The following TRPM3 variants were observed in gnomAD, a reference collection of about 807,000 sequenced individuals.
TRPM3 encodes the protein long transient receptor potential channel 3.
TRPM3 carries 77 observed loss-of-function variants against 181.2 expected under a neutral mutation model. The observed-to-expected ratio is 0.42, with a 90% CI of 0.35 to 0.51. The LOEUF (loss-of-function observed/expected upper bound fraction) is 0.51, where lower values mean the gene tolerates loss of function less well. Ranked by LOEUF, TRPM3 falls within the 20% of genes least tolerant of loss-of-function variation. TRPM3 has a pLI of 0.01. For synonymous variants in TRPM3, 745 were observed against 796.4 expected, an observed-to-expected ratio of 0.94 and a Z score of 1.09; for missense variants, 1,759 against 2,196.7, an observed-to-expected ratio of 0.80 and a Z score of 3.98.
intron 1 of TRPM3, among the ~76,000 whole-genome samples, chr9:71,392,485 A>G (rs1437137847): frequency 6.6e-6 from 1 of 152,108 alleles, no homozygotes. Context: ...TTGTTGGGGT[A>G]TTTTTTGCCT....
At chr9:71,204,964 C>CA (rs1565339528) in intron 1 of TRPM3, among the ~76,000 whole-genome samples, 1 of 151,550 alleles carries the variant, frequency 6.6e-6, no homozygotes, top group African/African-American at 2.4e-5. Context: ...ATCGCAAGGA[C>CA]AAAAAACCAA....
intron 9 of TRPM3, among the ~76,000 whole-genome samples, chr9:70,648,792 T>A (rs180835030): frequency 6.6e-6 from 1 of 152,176 alleles, no homozygotes; most frequent in Non-Finnish European, 1.5e-5. Context: ...GTTAGCCACA[T>A]GCAAAAGATT....
intron 1 of TRPM3, among the ~76,000 whole-genome samples, chr9:71,410,850 TC>T (rs1266903147): frequency 6.6e-6 from 1 of 152,004 alleles, no homozygotes; most frequent in Non-Finnish European, 1.5e-5. Context: ...GACGCAAAAA[TC>T]CTCAAAATAC....
In TRPM3 at chr9:71,343,159, A is replaced by AT. The variant is rs951676842; in HGVS notation, c.183+103493dup. Among the ~76,000 whole-genome samples the AT allele has an allele frequency of 3.3e-5, 5 of 151,622 alleles. No individual in the cohort carries two copies. In the South Asian group the frequency reaches 6.2e-4, roughly 19 times the overall value. ...AATGGACCCATACTTCCTTTAGTAT[A>AT]TTTTTTAAGTATAATTTTGACCTTG... On this transcript the variant is annotated intron_variant, in intron 1 of 24. Coordinates refer to the TRPM3 transcript ENST00000357533.
intron 1 of TRPM3, among the ~76,000 whole-genome samples, chr9:71,337,196 G>A (rs542978978): frequency 5.3e-5 from 8 of 151,582 alleles, no homozygotes; most frequent in African/African-American, 1.4e-4. Flanking sequence ...ATCGACAAAG[G>A]GCTAATATCC....
chr9:70,789,143 T>C (rs2084703677), intron 6 of TRPM3, among the ~76,000 whole-genome samples: 1 of 152,192 alleles, frequency 6.6e-6, no homozygotes, highest in African/African-American at 2.4e-5. Context: ...TCTAGCAAGA[T>C]TCACAATCTT....
chr9:71,117,761 T>G (rs1444630867), intron 1 of TRPM3, among the ~76,000 whole-genome samples: 1 of 152,180 alleles, frequency 6.6e-6, no homozygotes, highest in Non-Finnish European at 1.5e-5. Flanking sequence ...TTGAAAGTCT[T>G]AAAAATGATA....
At chr9:71,340,814 C>A (rs2090910185) in intron 1 of TRPM3, among the ~76,000 whole-genome samples, 1 of 152,042 alleles carries the variant, frequency 6.6e-6, no homozygotes, top group Admixed American at 6.6e-5. Flanking sequence ...CTACCATTTT[C>A]CAGTAAAAGA....
At chr9:71,350,302 A>G (rs2132661187) in intron 1 of TRPM3, among the ~76,000 whole-genome samples, 1 of 152,334 alleles carries the variant, frequency 6.6e-6, no homozygotes, top group African/African-American at 2.4e-5. Context: ...AGGTCATTAC[A>G]TAGAAACTAG....
Position 70,848,976 on chromosome 9 carries a change from CAAAAAAAAAAAAAAA to C in TRPM3, c.463-2400_463-2386del, listed in dbSNP as rs749477799. On this transcript the variant is annotated intron_variant, in intron 3 of 25. Transcript: ENST00000677713. ...TGGGCGACAGAGCGAGACTCCGTCT[CAAAAAAAAAAAAAAA>C]AAAAAAAAAAGAAATTACCTGTCAG... Among the ~76,000 whole-genome samples, 2 of 11,976 alleles carry C rather than the reference CAAAAAAAAAAAAAAA, an allele frequency of 1.7e-4. 1 individual carries two copies. Among genetic ancestry groups the C allele is most frequent in the Non-Finnish European group, 3.2e-4 (2 of 6,346 alleles). 7.9% of individuals were successfully genotyped at this position (11,976 alleles called of 152,430 possible).
intron 1 of TRPM3, among the ~76,000 whole-genome samples, chr9:71,303,900 CA>C (rs900475869): frequency 1.2e-4 from 17 of 145,520 alleles, no homozygotes; most frequent in African/African-American, 2.5e-4. Flanking sequence ...ATTACAAAAA[CA>C]AAAAAAAAAG....
intron 1 of TRPM3, among the ~76,000 whole-genome samples, chr9:70,942,182 T>A (rs1443281424): frequency 6.6e-6 from 1 of 152,212 alleles, no homozygotes; most frequent in Non-Finnish European, 1.5e-5. Context: ...GAGACAATCT[T>A]CCTTCCTAAA....
intron 1 of TRPM3, among the ~76,000 whole-genome samples, chr9:71,376,805 A>G (rs7467178): frequency 0.43 from 65,339 of 151,878 alleles, 14,215 homozygotes; most frequent in South Asian, 0.53. Flanking sequence ...TCACAAATGC[A>G]CAGTGAAGCA....
chr9:71,395,077 T>C (rs1302087995), intron 1 of TRPM3, among the ~76,000 whole-genome samples: 1 of 152,218 alleles, frequency 6.6e-6, no homozygotes, highest in Non-Finnish European at 1.5e-5. Context: ...CAATACCTCA[T>C]GATGAGACAT....
At chr9:70,597,724 A>G (rs2059268390) in intron 21 of TRPM3, among the ~76,000 whole-genome samples, 1 of 152,180 alleles carries the variant, frequency 6.6e-6, no homozygotes, top group African/African-American at 2.4e-5. Flanking sequence ...CAAGAATTCG[A>G]TAAGAAGGAG....
At chr9:70,859,343 T>C (rs1160284570) in intron 3 of TRPM3, among the ~76,000 whole-genome samples, 1 of 143,586 alleles carries the variant, frequency 7.0e-6, no homozygotes, top group Non-Finnish European at 1.6e-5. Context: ...GGAAGATCTA[T>C]CTGCTTCTTC....
At chr9:70,644,901 C>A (rs2058597334) in intron 9 of TRPM3, among the ~76,000 whole-genome samples, 1 of 152,126 alleles carries the variant, frequency 6.6e-6, no homozygotes, top group African/African-American at 2.4e-5. Flanking sequence ...ACAAGTATTT[C>A]TATACCTCAA....
chr9:70,809,436 G>A (rs569681842), intron 6 of TRPM3, among the ~76,000 whole-genome samples: 21 of 152,222 alleles, frequency 1.4e-4, no homozygotes, highest in South Asian at 6.2e-4. Flanking sequence ...CCCTATTAAG[G>A]TGTACTATTT....
intron 1 of TRPM3, among the ~76,000 whole-genome samples, chr9:70,936,788 T>C (rs1419694850): frequency 6.6e-6 from 1 of 152,150 alleles, no homozygotes; most frequent in East Asian, 1.9e-4. Flanking sequence ...TAAAGTGAAA[T>C]AAGATCAAAT....
Sources: allele counts gnomAD v4.1 joint callset (sites outside exome capture counted in the v4.1 genomes callset), GRCh38; gene constraint gnomAD v4.1.1; transcripts MANE v1.5; gene names NCBI Gene and HGNC (gene_info 2026-07-23, HGNC 2026-07-21).